RNF152: variants seen among roughly 807,000 people sequenced by gnomAD.
The protein encoded by RNF152 is E3 ubiquitin-protein ligase RNF152.
RNF152 carries 11 observed loss-of-function variants against 12.7 expected under a neutral mutation model. The ratio of observed to expected loss-of-function variants is 0.86; its 90% CI spans 0.54 to 1.43. The LOEUF (loss-of-function observed/expected upper bound fraction) is 1.43. Among genes scored for constraint, RNF152 ranks in the 40% most tolerant of loss-of-function variants. The pLI is 0.00. For synonymous variants in RNF152, 113 were observed against 120.3 expected (o/e 0.94, Z 0.40); for missense variants, 255 against 274.8 (o/e 0.93, Z 0.51).
intron 1 of RNF152, among the ~76,000 whole-genome samples, chr18:61,865,260 C>T (rs1003288477): frequency 2.0e-5 from 3 of 152,114 alleles, no homozygotes; most frequent in African/African-American, 7.2e-5. Context: ...AAATGCCATG[C>T]CACATTTTGT....
chr18:61,868,450 T>C (rs1368110003), intron 1 of RNF152, among the ~76,000 whole-genome samples: 1 of 152,138 alleles, frequency 6.6e-6, no homozygotes, highest in East Asian at 1.9e-4. Flanking sequence ...GGCTCGTGCC[T>C]GTAATCCCAG....
At chr18:61,831,774 ATTAC>A (rs1222133747) in intron 1 of RNF152, among the ~76,000 whole-genome samples, 1 of 131,136 alleles carries the variant, frequency 7.6e-6, no homozygotes, top group African/African-American at 2.6e-5. Context: ...TTACATGTTA[ATTAC>A]TTCTATTTTA....
rs142088539 is a variant in RNF152 at position 61,840,611 on chromosome 18, G to A, written c.-135-24013C>T. 7.8e-3 allele frequency among the ~76,000 whole-genome samples: 1,184 copies of A among 152,232 alleles called. 22 individuals carry two copies. The highest frequency in any genetic ancestry group is 0.027 in the African/African-American group (1,105 of 41,522). On this transcript the variant is annotated intron_variant, in intron 1 of 1. Transcript: ENST00000312828. ...TTTCAGAGTCCCTGGGTCCCAGGGA[G>A]CCTGAGAACTAGTCCTGCACCTTGC...
chr18:61,868,131 G>A (rs539551142), intron 1 of RNF152, among the ~76,000 whole-genome samples: 8 of 152,230 alleles, frequency 5.3e-5, no homozygotes, highest in African/African-American at 1.9e-4. Context: ...CATTTTCCTC[G>A]TAGCCAGCAC....
intron 1 of RNF152, among the ~76,000 whole-genome samples, chr18:61,860,157 C>T (rs1412974609): frequency 6.6e-6 from 1 of 152,110 alleles, no homozygotes; most frequent in African/African-American, 2.4e-5. Flanking sequence ...GAAGGGTTCT[C>T]CCCATGGGTC....
At chr18:61,847,600 C>G (rs74843889) in intron 1 of RNF152, among the ~76,000 whole-genome samples, 1,588 of 152,338 alleles carry the variant, frequency 0.01, 33 homozygotes, top group African/African-American at 0.036. Flanking sequence ...AAACACACCT[C>G]AGAGAAAGCA....
Position 61,816,251 on chromosome 18 carries a change from G to A in RNF152, c.213C>T (p.Asp71=), listed in dbSNP as rs147542758. 6.9e-5 allele frequency: 111 copies of A among 1,614,226 alleles called. No homozygotes were observed. Among genetic ancestry groups the A allele is most frequent in the African/African-American group, 2.9e-4 (22 of 75,072 alleles). ...CGATGACAGCCAGGACCTCCGGGTC[G>A]TCCGGGAGCTGCGACACGGAGAAGC... ...PPGFSVSQLP[D]DPEVLAVIAI... Residue 71 remains aspartate (D), a synonymous_variant, in exon 2 of 2, where the codon GAC becomes GAT. Transcript: ENST00000312828.
At position 61,816,093 on chromosome 18, in the gene RNF152, C is replaced by A; in HGVS notation, c.371G>T (p.Gly124Val). ...PGDMGCRLLP[G>V]SQQKSVTVVT... ...CACGGTGACGGACTTCTGCTGGCTCCCGGGCAGCAGGCGGCAGCCCATGTC... is the reference window on the plus strand; with the variant it reads ...CACGGTGACGGACTTCTGCTGGCTCACGGGCAGCAGGCGGCAGCCCATGTC... The change falls in exon 2 of 2, where the codon GGG becomes GTG. Residue 124 changes from glycine (G) to valine (V), a missense_variant. Physicochemically the swap from Gly to Val is moderately radical, Grantham distance 109. Transcript: ENST00000312828. The A allele has an allele frequency of 6.2e-7, 1 of 1,614,148 alleles. No homozygotes were observed. Among genetic ancestry groups the A allele is most frequent in the Non-Finnish European group, 8.5e-7 (1 of 1,180,008 alleles).
chr18:61,859,871 C>T (rs1238332082), intron 1 of RNF152, among the ~76,000 whole-genome samples: 1 of 142,586 alleles, frequency 7.0e-6, no homozygotes, highest in Non-Finnish European at 1.5e-5. Flanking sequence ...AGAGACTCCA[C>T]CTCAAAGAAA....
chr18:61,880,594 TAC>T (rs1190636046), intron 1 of RNF152, among the ~76,000 whole-genome samples: 4 of 152,208 alleles, frequency 2.6e-5, no homozygotes, highest in East Asian at 1.9e-4. Flanking sequence ...ATATTTCTAC[TAC>T]AGTTATCTCC....
At chr18:61,850,738 T>C (rs1012619734) in intron 1 of RNF152, among the ~76,000 whole-genome samples, 3 of 152,186 alleles carry the variant, frequency 2.0e-5, no homozygotes, top group African/African-American at 7.2e-5. Flanking sequence ...GGTTAAAATA[T>C]AGACAATTTT....
At chr18:61,820,453 T>C (rs1356562402) in intron 1 of RNF152, among the ~76,000 whole-genome samples, 2 of 151,864 alleles carry the variant, frequency 1.3e-5, no homozygotes, top group African/African-American at 4.8e-5. Flanking sequence ...TGGTGAATCC[T>C]GCTCTATCTG....
chr18:61,844,615 T>G (rs942134651), intron 1 of RNF152, among the ~76,000 whole-genome samples: 2 of 152,154 alleles, frequency 1.3e-5, no homozygotes, highest in African/African-American at 4.8e-5. Context: ...AAAGCTAAGC[T>G]TCCTTTTTGA....
In RNF152 at chr18:61,814,477, T is replaced by C. The variant is rs1449553900; in HGVS notation, c.*1375A>G. On this transcript the variant is annotated 3_prime_UTR_variant, in exon 2 of 2. Transcript: ENST00000312828. The stretch of plus-strand genomic sequence containing the variant: ...TTCTGAATGCACATGCACCCAGGGA[T>C]AGGAATTTATCACGTACTTGTAGCA... 2 of 152,234 alleles carry C rather than the reference T, an allele frequency of 1.3e-5. No individual in the cohort carries two copies. Among genetic ancestry groups the C allele is most frequent in the Admixed American group, 1.3e-4 (2 of 15,292 alleles). The allele number at this position is 152,234 out of a possible 1,614,324, so 9.4% of individuals were successfully genotyped here.
At chr18:61,891,365 G>A (rs140369765) in intron 1 of RNF152, among the ~76,000 whole-genome samples, 7 of 152,100 alleles carry the variant, frequency 4.6e-5, no homozygotes, top group African/African-American at 1.2e-4. Context: ...GTTCTTGGAC[G>A]TGCATTTACA....
Position 61,813,788 on chromosome 18 carries a change from G to GGTGT in RNF152, c.*2060_*2063dup, listed in dbSNP as rs533911889. The GGTGT allele has an allele frequency of 6.6e-6, 1 of 151,496 alleles. No homozygotes were observed. The highest frequency in any genetic ancestry group is 2.1e-4 in the South Asian group (1 of 4,802). The allele number at this position is 151,496 out of a possible 1,614,324, so 9.4% of individuals were successfully genotyped here. A position where few individuals can be genotyped will look rare whatever the true frequency, so the allele number is the denominator to read the frequency against. On this transcript the variant is annotated 3_prime_UTR_variant, in exon 2 of 2. Transcript: ENST00000312828. ...AGCATTCTTAATGCAACACTTCTGT[G>GGTGT]GTGTGTGTGTGTGTGTATTTTCCTC... is the stretch of plus-strand genomic sequence containing the variant.
At chr18:61,851,385 G>A (rs1052828871) in intron 1 of RNF152, among the ~76,000 whole-genome samples, 4 of 152,124 alleles carry the variant, frequency 2.6e-5, no homozygotes, top group Non-Finnish European at 4.4e-5. Context: ...AAGAGGGGAG[G>A]GAGGACGGAA....
intron 1 of RNF152, chr18:61,890,416 C>T (rs929776791): frequency 2.0e-5 from 3 of 152,270 alleles, no homozygotes; most frequent in Non-Finnish European, 4.4e-5. Flanking sequence ...GCATTTCCTT[C>T]CCGATGCTGC....
chr18:61,855,043 T>C (rs999292121), intron 1 of RNF152, among the ~76,000 whole-genome samples: 1 of 152,170 alleles, frequency 6.6e-6, no homozygotes, highest in East Asian at 1.9e-4. Context: ...AATAAGCTAA[T>C]GGTGGTGGGG....
Sources: allele counts gnomAD v4.1 joint callset (sites outside exome capture counted in the v4.1 genomes callset), GRCh38; gene constraint gnomAD v4.1.1; transcripts MANE v1.5; gene names NCBI Gene and HGNC (gene_info 2026-07-23, HGNC 2026-07-21).